RXFP1: variants seen among roughly 807,000 people sequenced by gnomAD.
RXFP1 encodes relaxin receptor 1.
RXFP1 carries 73 observed loss-of-function variants against 89.8 expected under a neutral mutation model. The observed-to-expected ratio is 0.81, with a 90% confidence interval of 0.67 to 0.99. RXFP1 has a LOEUF of 0.99. Ranked by LOEUF, RXFP1 falls within the 50% of genes least tolerant of loss-of-function variation. RXFP1 has a pLI of 0.00. For missense variants in RXFP1, 793 were observed against 895.5 expected (o/e 0.89, Z 1.46); for synonymous variants, 277 against 305.5 (o/e 0.91, Z 0.97).
At chr4:158,638,109 T>C (rs749486258) in intron 13 of RXFP1, 30 bp downstream of exon 13, 16 of 1,318,884 alleles carry the variant, frequency 1.2e-5, no homozygotes. Context: ...GATAGTTTTA[T>C]GATAAAATTG....
chr4:158,567,581 C>A (rs1024212879), intron 1 of RXFP1, among the ~76,000 whole-genome samples: 2 of 152,012 alleles, frequency 1.3e-5, no homozygotes, highest in Non-Finnish European at 2.9e-5. Context: ...GTGAATGCAC[C>A]GATCGGCACT....
At chr4:158,562,279 C>T (rs1412251546) in intron 1 of RXFP1, among the ~76,000 whole-genome samples, 1 of 151,924 alleles carries the variant, frequency 6.6e-6, no homozygotes, top group Non-Finnish European at 1.5e-5. Flanking sequence ...ACATATTTCA[C>T]TTTGGGAGGC....
intron 1 of RXFP1, among the ~76,000 whole-genome samples, chr4:158,539,484 A>G (rs1746076918): frequency 6.6e-6 from 1 of 150,876 alleles, no homozygotes; most frequent in Admixed American, 6.6e-5. Flanking sequence ...GTATAATAAT[A>G]ATAAAATTTA....
At chr4:158,559,260 C>T (rs1382735522) in intron 1 of RXFP1, among the ~76,000 whole-genome samples, 1 of 152,126 alleles carries the variant, frequency 6.6e-6, no homozygotes, top group African/African-American at 2.4e-5. Context: ...GAGCTATGAT[C>T]ATGCCACTGC....
At position 158,626,864 on chromosome 4, in the gene RXFP1, T is replaced by C; in HGVS notation, c.800T>C (p.Phe267Ser). The change falls in exon 10 of 18, where the codon TTT (phenylalanine) becomes TCT (serine). Residue 267 changes from phenylalanine (F) to serine (S), a missense_variant. Transcript: ENST00000307765. ...NHIHNLRNLT[F>S]ISCSNLTVLV... ...ATCCATAATTTAAGAAATTTGACTTTTATTTCCTGCAGTAATTTAACTGTT... is the reference window on the plus strand; with the variant it reads ...ATCCATAATTTAAGAAATTTGACTTCTATTTCCTGCAGTAATTTAACTGTT... 1 of 1,554,452 alleles carries C rather than the reference T, an allele frequency of 6.4e-7. No individual in the cohort carries two copies. Among genetic ancestry groups the C allele is most frequent in the South Asian group, 1.2e-5 (1 of 84,432 alleles).
chr4:158,544,708 T>C (rs999740356), intron 1 of RXFP1, among the ~76,000 whole-genome samples: 7 of 152,134 alleles, frequency 4.6e-5, no homozygotes, highest in African/African-American at 1.7e-4. Context: ...TTTGGTTTTT[T>C]GTCCTTGCAA....
chr4:158,528,220 C>CGG (rs917107496), intron 1 of RXFP1, among the ~76,000 whole-genome samples: 7 of 151,984 alleles, frequency 4.6e-5, no homozygotes, highest in African/African-American at 1.7e-4. Flanking sequence ...TAGAGTAAGG[C>CGG]GGGGGGCAGT....
chr4:158,531,417 C>T (rs568083775), intron 1 of RXFP1, among the ~76,000 whole-genome samples: 1 of 152,228 alleles, frequency 6.6e-6, no homozygotes, highest in African/African-American at 2.4e-5. Flanking sequence ...CACTCAGCCC[C>T]TCACTCCTGA....
In RXFP1 at chr4:158,626,379, G is replaced by T. The variant is rs118173090; in HGVS notation, c.756-441G>T. Among the ~76,000 whole-genome samples, 432 of 152,238 alleles carry T rather than the reference G, an allele frequency of 2.8e-3. 21 individuals carry two copies. In the East Asian group the frequency reaches 0.07, roughly 25 times the overall value. On this transcript the variant is annotated intron_variant, in intron 9 of 17. Coordinates refer to ENST00000307765, the MANE Select transcript of RXFP1 (RefSeq NM_021634.4). ...GGAGCTAAATATTGTTTTGGCAGCAGCAGCTTTTGCAACAATAATAGAATC... is the reference window on the plus strand; with the variant it reads ...GGAGCTAAATATTGTTTTGGCAGCATCAGCTTTTGCAACAATAATAGAATC...
intron 5 of RXFP1, among the ~76,000 whole-genome samples, chr4:158,606,215 A>G (rs2150112978): frequency 6.6e-6 from 1 of 152,292 alleles, no homozygotes; most frequent in Non-Finnish European, 1.5e-5. Context: ...CCTTGTGTCC[A>G]CTTATTTAAA....
intron 1 of RXFP1, among the ~76,000 whole-genome samples, chr4:158,551,643 TAAATA>T (rs1160745559): frequency 6.6e-6 from 1 of 152,120 alleles, no homozygotes; most frequent in East Asian, 1.9e-4. Flanking sequence ...CAATTAAAAA[TAAATA>T]AATAAATATA....
chr4:158,633,962 A>G (rs1768619071), intron 12 of RXFP1, among the ~76,000 whole-genome samples: 1 of 152,122 alleles, frequency 6.6e-6, no homozygotes, highest in Non-Finnish European at 1.5e-5. Context: ...TCTTTTGCCT[A>G]TTGTGGATAA....
At chr4:158,539,796 A>G (rs1579425653) in intron 1 of RXFP1, among the ~76,000 whole-genome samples, 1 of 152,078 alleles carries the variant, frequency 6.6e-6, no homozygotes, top group Admixed American at 6.5e-5. Context: ...GTCCAGTAAA[A>G]CCTTGTCTCA....
intron 2 of RXFP1, among the ~76,000 whole-genome samples, chr4:158,592,674 G>GT (rs755581797): frequency 6.6e-6 from 1 of 152,204 alleles, no homozygotes; most frequent in South Asian, 2.1e-4. Flanking sequence ...TGAAGAAGAT[G>GT]TAGGGAAACA....
intron 5 of RXFP1, chr4:158,607,276 G>T: frequency 6.3e-6 from 4 of 638,730 alleles, no homozygotes; most frequent in Non-Finnish European, 1.1e-5. Flanking sequence ...CTGCATTCTT[G>T]TCTTGACATT....
chr4:158,611,159 A>T (rs758489394), intron 6 of RXFP1, among the ~76,000 whole-genome samples: 4 of 152,214 alleles, frequency 2.6e-5, no homozygotes, highest in Non-Finnish European at 5.9e-5. Flanking sequence ...TCCTGATACT[A>T]TCCCCATTTT....
chr4:158,556,521 A>G (rs1157811586), intron 1 of RXFP1, among the ~76,000 whole-genome samples: 1 of 152,182 alleles, frequency 6.6e-6, no homozygotes, highest in African/African-American at 2.4e-5. Context: ...CAAAACATTA[A>G]AAATGAAACT....
rs2150287390 is a variant in RXFP1, at chr4:158,652,179, G to A, written c.*124G>A. Reference sequence around the variant, plus strand: ...ATAGCTAAGATAAATATTTTACAAGGACATGAGGAAAAATAAAAATGACTA... The same window carrying A: ...ATAGCTAAGATAAATATTTTACAAGAACATGAGGAAAAATAAAAATGACTA... On this transcript the variant is annotated 3_prime_UTR_variant, in exon 18 of 18. Transcript: ENST00000307765. 2 of 771,544 alleles carry A rather than the reference G, an allele frequency of 2.6e-6. No individual in the cohort carries two copies. Among genetic ancestry groups the A allele is most frequent in the East Asian group, 5.7e-5 (2 of 34,810 alleles). The allele number at this position is 771,544 out of a possible 1,614,324, so 47.8% of individuals were successfully genotyped here.
intron 1 of RXFP1, among the ~76,000 whole-genome samples, chr4:158,552,563 T>C (rs1750380820): frequency 6.6e-6 from 1 of 152,230 alleles, no homozygotes; most frequent in Non-Finnish European, 1.5e-5. Context: ...GCTTATTTGC[T>C]TACTTTCACA....
Sources: allele counts gnomAD v4.1 joint callset (sites outside exome capture counted in the v4.1 genomes callset), GRCh38; gene constraint gnomAD v4.1.1; transcripts MANE v1.5; gene names NCBI Gene and HGNC (gene_info 2026-07-23, HGNC 2026-07-21).